Variants in ACTR3C observed in about 807,000 individuals in gnomAD.
The protein encoded by ACTR3C is actin related protein 3C, also known as actin-related protein 3C.
A neutral mutation model predicts 26.3 loss-of-function variants in ACTR3C; 18 were observed. The observed-to-expected ratio is 0.68, with a 90% CI of 0.47 to 1.01. ACTR3C has a LOEUF of 1.01. ACTR3C is among the 50% of genes least tolerant of loss of function. ACTR3C has a pLI of 0.00. For synonymous variants in ACTR3C, 55 were observed against 94.5 expected (o/e 0.58, Z 2.42); for missense variants, 184 against 250.7 (o/e 0.73, Z 1.80).
chr7:150,146,053 G>T, the ACTR3C span, among the ~76,000 whole-genome samples: 1 of 151,946 alleles, frequency 6.6e-6, no homozygotes, highest in Non-Finnish European at 1.5e-5. Context: ...GTGGATCTCT[G>T]TCCTTGGATT....
chr7:150,286,343 C>G, intron 5 of ACTR3C, 24 bp downstream of exon 5: 1 of 1,611,558 alleles, frequency 6.2e-7, no homozygotes, highest in Non-Finnish European at 8.5e-7. Context: ...CACACTTGAG[C>G]ACACAAAAAA....
the ACTR3C span, among the ~76,000 whole-genome samples, chr7:150,078,149 T>C: frequency 1.3e-5 from 2 of 152,214 alleles, no homozygotes; most frequent in African/African-American, 4.8e-5. Context: ...ATCACTAGGA[T>C]GTTTTTCCTG....
At chr7:150,110,473 T>G in the ACTR3C span, among the ~76,000 whole-genome samples, 1 of 120,610 alleles carries the variant, frequency 8.3e-6, no homozygotes, top group African/African-American at 3.6e-5. Context: ...GGGTGGGGCT[T>G]ACTAAGAGAT....
the ACTR3C span, among the ~76,000 whole-genome samples, chr7:150,079,509 G>C: frequency 2.0e-5 from 3 of 152,286 alleles, no homozygotes; most frequent in Admixed American, 2.0e-4. Flanking sequence ...TGGCACCGCT[G>C]ATGACGGGAT....
At chr7:149,970,569 C>T in the ACTR3C span, among the ~76,000 whole-genome samples, 4,127 of 152,276 alleles carry the variant, frequency 0.027, 235 homozygotes, top group East Asian at 0.27. Context: ...ACTCTTCTCT[C>T]TCTAATGACC....
intron 1 of ACTR3C, among the ~76,000 whole-genome samples, chr7:150,317,546 T>C (rs1797062272): frequency 6.6e-6 from 1 of 152,242 alleles, no homozygotes; most frequent in South Asian, 2.1e-4. Flanking sequence ...ATTTTCCAGT[T>C]AATAAGCCTC....
chr7:150,209,671 G>A, the ACTR3C span, among the ~76,000 whole-genome samples: 1 of 150,190 alleles, frequency 6.7e-6, no homozygotes, highest in African/African-American at 2.5e-5. Context: ...CTGAAGATAG[G>A]AGTTTGAGAC....
At chr7:150,149,451 C>G in the ACTR3C span, among the ~76,000 whole-genome samples, 2 of 151,166 alleles carry the variant, frequency 1.3e-5, no homozygotes, top group South Asian at 4.2e-4. Context: ...CTCATTAACT[C>G]GTCGTTTACA....
At chr7:149,992,163 C>G in the ACTR3C span, among the ~76,000 whole-genome samples, 1 of 152,262 alleles carries the variant, frequency 6.6e-6, no homozygotes, top group Non-Finnish European at 1.5e-5. Context: ...GCAATGTGTA[C>G]AGGCAGATGC....
the ACTR3C span, among the ~76,000 whole-genome samples, chr7:149,959,530 A>AG: frequency 6.6e-6 from 1 of 152,148 alleles, no homozygotes; most frequent in African/African-American, 2.4e-5. Flanking sequence ...GTAAAGAGAA[A>AG]GGCATGTACA....
chr7:150,289,672 C>T, intron 3 of ACTR3C, 79 bp from the exon 4 acceptor site: 1 of 1,568,278 alleles, frequency 6.4e-7, no homozygotes, highest in Non-Finnish European at 8.7e-7. Flanking sequence ...AGGTTTCCTG[C>T]CTCAGCCTCC....
chr7:149,986,193 A>G, the ACTR3C span, among the ~76,000 whole-genome samples: 1 of 152,028 alleles, frequency 6.6e-6, no homozygotes, highest in African/African-American at 2.4e-5. Flanking sequence ...CTAGGAAATC[A>G]CTACACATCA....
the ACTR3C span, among the ~76,000 whole-genome samples, chr7:149,913,821 C>T: frequency 3.3e-5 from 5 of 151,038 alleles, no homozygotes; most frequent in African/African-American, 7.3e-5. Flanking sequence ...ACATTTAGCA[C>T]GATATATCTA....
the ACTR3C span, chr7:149,891,382 T>G: frequency 2.6e-5 from 30 of 1,145,916 alleles, no homozygotes; most frequent in Non-Finnish European, 3.6e-5. Flanking sequence ...CAGAAGAAAC[T>G]GTATTATTAA....
the ACTR3C span, among the ~76,000 whole-genome samples, chr7:150,105,186 C>T: frequency 5.2e-3 from 783 of 151,460 alleles, 11 homozygotes; most frequent in South Asian, 0.03. Context: ...GGATTCACAC[C>T]ATTCTCCTGC....
chr7:149,982,939 G>A, the ACTR3C span, among the ~76,000 whole-genome samples: 2 of 152,198 alleles, frequency 1.3e-5, no homozygotes, highest in Non-Finnish European at 2.9e-5. Flanking sequence ...AGCAGTGAGT[G>A]TGGGCGTCCT....
At chr7:150,019,599 A>AAATAAAAAAAATAATAAT in the ACTR3C span, among the ~76,000 whole-genome samples, 1 of 109,816 alleles carries the variant, frequency 9.1e-6, no homozygotes, top group Admixed American at 8.7e-5. Context: ...TCAAAAATAA[A>AAATAAAAAAAATAATAAT]AATAATAATA....
chr7:150,173,154 G>A, the ACTR3C span, among the ~76,000 whole-genome samples: 9 of 150,426 alleles, frequency 6.0e-5, no homozygotes, highest in Middle Eastern at 0.01. Flanking sequence ...TGGGGGCTCC[G>A]ATCCCACATT....
intron 6 of ACTR3C, among the ~76,000 whole-genome samples, chr7:150,272,822 C>G (rs1834556549): frequency 7.3e-6 from 1 of 136,644 alleles, no homozygotes; most frequent in Non-Finnish European, 1.5e-5. Flanking sequence ...TCCCAAGTAG[C>G]TGAGACTACA....
Sources: gnomAD v4.1 joint callset for allele counts (sites outside exome capture counted in the v4.1 genomes callset) on GRCh38, gnomAD v4.1.1 for gene constraint, MANE v1.5 for transcripts, NCBI Gene and HGNC (gene_info 2026-07-23, HGNC 2026-07-21) for gene names.